UVRAG: variants seen among roughly 807,000 people sequenced by gnomAD.
UVRAG encodes the protein UV radiation resistance-associated gene protein.
UVRAG carries 19 observed loss-of-function variants against 78.0 expected under a neutral mutation model. The ratio of observed to expected loss-of-function variants is 0.24; its 90% CI spans 0.17 to 0.36. UVRAG has a LOEUF of 0.36. Among genes scored for constraint, UVRAG ranks in the 10% least tolerant of loss-of-function variants. The pLI is 1.00. For synonymous variants in UVRAG, 323 were observed against 324.6 expected (o/e 1.00, Z 0.05); for missense variants, 740 against 853.8 (o/e 0.87, Z 1.66).
At chr11:76,028,064 C>T (rs1262882386) in intron 12 of UVRAG, among the ~76,000 whole-genome samples, 1 of 152,158 alleles carries the variant, frequency 6.6e-6, no homozygotes, top group Non-Finnish European at 1.5e-5. Context: ...TTTCCAACAG[C>T]ATGTGCTCAC....
At chr11:75,853,756 ATTTG>A (rs1161226130) in intron 2 of UVRAG, among the ~76,000 whole-genome samples, 2 of 144,670 alleles carry the variant, frequency 1.4e-5, no homozygotes, top group Non-Finnish European at 1.5e-5. Flanking sequence ...TTATTTATTT[ATTTG>A]TTTATTTATT....
chr11:76,111,329 G>A (rs909844158), intron 13 of UVRAG, among the ~76,000 whole-genome samples: 1 of 152,156 alleles, frequency 6.6e-6, no homozygotes, highest in Non-Finnish European at 1.5e-5. Context: ...AGTATCTCAT[G>A]AAGTTTAGGG....
chr11:75,988,904 A>G (rs1949551106), intron 8 of UVRAG, among the ~76,000 whole-genome samples: 4 of 152,058 alleles, frequency 2.6e-5, no homozygotes. Flanking sequence ...GTTTTTTGGA[A>G]AGTGGGGAAG....
chr11:76,064,362 T>C (rs1951149175), intron 12 of UVRAG, among the ~76,000 whole-genome samples: 1 of 152,232 alleles, frequency 6.6e-6, no homozygotes, highest in Non-Finnish European at 1.5e-5. Flanking sequence ...CTTTGCAGGC[T>C]ACCCCATCTG....
chr11:76,112,139 CA>C (rs1366072408), intron 13 of UVRAG, among the ~76,000 whole-genome samples: 1 of 152,014 alleles, frequency 6.6e-6, no homozygotes, highest in East Asian at 1.9e-4. Flanking sequence ...GAAGGCTTAT[CA>C]CTATGAAATT....
intron 6 of UVRAG, among the ~76,000 whole-genome samples, chr11:75,949,986 T>C (rs1401610323): frequency 6.6e-6 from 1 of 152,136 alleles, no homozygotes; most frequent in Non-Finnish European, 1.5e-5. Context: ...TTGAACTTCT[T>C]ATAAGTGGAG....
chr11:75,846,808 G>T (rs1946043126), intron 1 of UVRAG, among the ~76,000 whole-genome samples: 1 of 151,808 alleles, frequency 6.6e-6, no homozygotes, highest in South Asian at 2.1e-4. Context: ...AGTAATGTCA[G>T]TTCTCTGACT....
intron 6 of UVRAG, among the ~76,000 whole-genome samples, chr11:75,958,801 T>C (rs931900284): frequency 1.3e-5 from 2 of 152,240 alleles, no homozygotes; most frequent in African/African-American, 4.8e-5. Context: ...TCTAGGCTTA[T>C]GAAATGTATT....
At chr11:76,023,199 C>CT (rs1950276742) in intron 12 of UVRAG, among the ~76,000 whole-genome samples, 1 of 152,010 alleles carries the variant, frequency 6.6e-6, no homozygotes, top group African/African-American at 2.4e-5. Flanking sequence ...ATCTATGGTC[C>CT]TTTAATTTCA....
chr11:75,911,944 T>G lies in UVRAG; in HGVS notation c.508-10T>G. ...TGGTTTTGATTAATTTGTTGGTTAATGTCTTTCAGGGTTATTCAAATGCTC... is the reference window on the plus strand; with the variant it reads ...TGGTTTTGATTAATTTGTTGGTTAAGGTCTTTCAGGGTTATTCAAATGCTC... On this transcript the variant is annotated splice_polypyrimidine_tract_variant and intron_variant, in intron 5 of 14. Coordinates refer to ENST00000356136, the MANE Select transcript of UVRAG (RefSeq NM_003369.4). 6.3e-7 allele frequency: 1 copy of G among 1,583,506 alleles called. No homozygotes were observed. Among genetic ancestry groups the G allele is most frequent in the Non-Finnish European group, 8.6e-7 (1 of 1,157,006 alleles).
Position 76,069,969 on chromosome 11 carries a change from C to G in UVRAG, c.1305+4181C>G, listed in dbSNP as rs551953491. On this transcript the variant is annotated intron_variant, in intron 13 of 14. Transcript: ENST00000356136. ...ATTAGCAAGCACAATGCCAGAAACACTGTAAGTTCTAAAGAAATTAATAAT... is the reference window on the plus strand; with the variant it reads ...ATTAGCAAGCACAATGCCAGAAACAGTGTAAGTTCTAAAGAAATTAATAAT... 3.3e-5 allele frequency among the ~76,000 whole-genome samples: 5 copies of G among 152,256 alleles called. No individual in the cohort carries two copies. The South Asian group carries it at 8.3e-4, about 25-fold the overall frequency.
At position 75,851,871 on chromosome 11, in the gene UVRAG, G is replaced by T. The variant is rs1303976247; in HGVS notation, c.118-12G>T. On this transcript the variant is annotated splice_polypyrimidine_tract_variant and intron_variant, in intron 1 of 14. Transcript: ENST00000356136. ...ATCTGAATGCCTTCTCTTTTTTGTT[G>T]TTATTTTTCAGCGGCGTCTTCGACA... is the stretch of plus-strand genomic sequence containing the variant. The T allele has an allele frequency of 3.8e-6, 6 of 1,590,166 alleles. No homozygotes were observed. The Admixed American group carries it at 5.7e-5, about 15-fold the overall frequency.
At chr11:75,986,482 GTCTTGCTGTGGTTATTTATTTACAT>G (rs1010691658) in intron 8 of UVRAG, among the ~76,000 whole-genome samples, 1 of 151,988 alleles carries the variant, frequency 6.6e-6, no homozygotes, top group African/African-American at 2.4e-5. Flanking sequence ...TGCAGCTGCA[GTCTTGCTGTGGTTATTTATTTACAT>G]TCTAATTTAG....
intron 1 of UVRAG, among the ~76,000 whole-genome samples, chr11:75,831,968 T>A (rs137994199): frequency 5.1e-4 from 77 of 152,352 alleles, no homozygotes; most frequent in African/African-American, 1.8e-3. Context: ...ATGTAATTTA[T>A]TGAATGCTGA....
At chr11:76,092,306 A>G (rs1951714399) in intron 13 of UVRAG, among the ~76,000 whole-genome samples, 1 of 152,218 alleles carries the variant, frequency 6.6e-6, no homozygotes, top group South Asian at 2.1e-4. Context: ...ATACATGTGC[A>G]TGTGCCTTTA....
At chr11:75,878,688 G>A (rs529969094) in intron 3 of UVRAG, among the ~76,000 whole-genome samples, 1 of 152,340 alleles carries the variant, frequency 6.6e-6, no homozygotes, top group Admixed American at 6.5e-5. Context: ...GGGAAACCCA[G>A]TCTCCACCAA....
At chr11:76,040,178 GACTA>G (rs1251410104) in intron 12 of UVRAG, among the ~76,000 whole-genome samples, 7 of 152,058 alleles carry the variant, frequency 4.6e-5, no homozygotes, top group East Asian at 1.9e-4. Context: ...GACCCATAAA[GACTA>G]ACTAAAGTAT....
At chr11:75,897,160 C>G (rs1247363263) in intron 5 of UVRAG, among the ~76,000 whole-genome samples, 3 of 152,136 alleles carry the variant, frequency 2.0e-5, no homozygotes, top group Non-Finnish European at 2.9e-5. Context: ...ACAAAAATAA[C>G]CATATAACTT....
chr11:76,032,006 A>G (rs1306531619), intron 12 of UVRAG, among the ~76,000 whole-genome samples: 2 of 152,100 alleles, frequency 1.3e-5, no homozygotes, highest in East Asian at 3.8e-4. Context: ...TAATTCTTGT[A>G]TGTTTGAATT....
Sources: allele counts gnomAD v4.1 joint callset (sites outside exome capture counted in the v4.1 genomes callset), GRCh38; gene constraint gnomAD v4.1.1; transcripts MANE v1.5; gene names NCBI Gene and HGNC (gene_info 2026-07-23, HGNC 2026-07-21).